The following TANC2 variants were observed in gnomAD, a reference collection of about 807,000 sequenced individuals.
TANC2 encodes the protein tetratricopeptide repeat, ankyrin repeat and coiled-coil containing 2.
Under a neutral mutation model 210.5 loss-of-function variants are expected in TANC2, and 26 were observed. The ratio of observed to expected loss-of-function variants is 0.12; its 90% CI spans 0.09 to 0.17. The LOEUF (loss-of-function observed/expected upper bound fraction) is 0.17. Among genes scored for constraint, TANC2 ranks in the 10% least tolerant of loss-of-function variants. TANC2 has a pLI of 1.00. For synonymous variants in TANC2, 931 were observed against 967.1 expected (o/e 0.96, Z 0.69); for missense variants, 2,129 against 2,608.9 (o/e 0.82, Z 4.01).
chr17:63,145,976 A>G (rs778452544), intron 4 of TANC2, among the ~76,000 whole-genome samples: 1 of 152,154 alleles, frequency 6.6e-6, no homozygotes, highest in Non-Finnish European at 1.5e-5. Flanking sequence ...TAGGGATTGC[A>G]TTGAATCTAT....
intron 4 of TANC2, among the ~76,000 whole-genome samples, chr17:63,110,329 T>C (rs1161357480): frequency 3.3e-5 from 5 of 151,774 alleles, no homozygotes; most frequent in Admixed American, 2.6e-4. Flanking sequence ...CCTCAAAACT[T>C]GGTCTTTAAT....
At chr17:63,189,580 T>C (rs1393309368) in intron 5 of TANC2, among the ~76,000 whole-genome samples, 1 of 152,214 alleles carries the variant, frequency 6.6e-6, no homozygotes, top group Non-Finnish European at 1.5e-5. Flanking sequence ...TATTCCAGTA[T>C]TTTGCCTATG....
chr17:63,063,707 T>C (rs1210172629), intron 2 of TANC2, among the ~76,000 whole-genome samples: 2 of 152,024 alleles, frequency 1.3e-5, no homozygotes, highest in African/African-American at 2.4e-5. Context: ...TGTAGAGATA[T>C]ATCTCTTACA....
chr17:63,146,351 A>G (rs1202061719), intron 4 of TANC2, among the ~76,000 whole-genome samples: 1 of 151,908 alleles, frequency 6.6e-6, no homozygotes, highest in Non-Finnish European at 1.5e-5. Flanking sequence ...GCAAACAGAT[A>G]ATTTTACTTC....
intron 9 of TANC2, chr17:63,313,667 C>T (rs1466261815): frequency 7.2e-5 from 11 of 152,192 alleles, no homozygotes; most frequent in Admixed American, 6.5e-5. Flanking sequence ...GCTTTCTGCT[C>T]GACTGCTTAG....
At position 63,421,758 on chromosome 17, in the gene TANC2, C is replaced by T. The variant is rs749154868; in HGVS notation, c.6028C>T (p.Leu2010=). The T allele has an allele frequency of 6.2e-6, 10 of 1,613,956 alleles. No individual in the cohort carries two copies. In the African/African-American group the frequency reaches 1.1e-4, roughly 17 times the overall value. The change falls in exon 28 of 28, where the codon CTG becomes TTG. Residue 2010 remains leucine (L), a synonymous_variant. Coordinates refer to ENST00000689528, the Ensembl canonical transcript of TANC2. This position sits in a 1 kb window ranked among gnomAD's most constrained non-coding sequence, Gnocchi z 6.9. ...CGATTATTACAGCCCCCATGGGATG[C>T]TGGCTAACGGGTCTCGTGGAGACCT...
In TANC2 at chr17:63,377,386, A is replaced by G. The variant is rs185867016; in HGVS notation, c.2583-2332A>G. Among the ~76,000 whole-genome samples, 62 of 152,292 alleles carry G rather than the reference A, an allele frequency of 4.1e-4. 1 individual carries two copies. In the East Asian group the frequency reaches 6.4e-3, roughly 16 times the overall value. ...TTACCTCTTGAATGTTTTGCTACTT[A>G]GAAATTTCTTCCACTAGATACCCTA... is the stretch of plus-strand genomic sequence containing the variant. On this transcript the variant is annotated intron_variant, in intron 14 of 27. Transcript: ENST00000689528.
chr17:63,342,212 A>G (rs186714037), intron 12 of TANC2, among the ~76,000 whole-genome samples: 111 of 152,010 alleles, frequency 7.3e-4, no homozygotes, highest in African/African-American at 2.6e-3. Flanking sequence ...AATGTATAAC[A>G]AGAATTTAAA....
At chr17:63,410,860 C>CAAAAAAAAAAAAAAA (rs34268418) in intron 21 of TANC2, among the ~76,000 whole-genome samples, 5 of 39,014 alleles carry the variant, frequency 1.3e-4, no homozygotes, top group Non-Finnish European at 1.7e-4. Context: ...GACTCCATCT[C>CAAAAAAAAAAAAAAA]AAAAAAAAAA....
chr17:63,088,079 T>TC (rs1467793323), intron 3 of TANC2: 1 of 152,200 alleles, frequency 6.6e-6, no homozygotes, highest in Non-Finnish European at 1.5e-5. Flanking sequence ...GTATGCGTAC[T>TC]CCATCTTTCC....
intron 14 of TANC2, among the ~76,000 whole-genome samples, chr17:63,377,960 C>A (rs1430635665): frequency 1.3e-5 from 2 of 152,282 alleles, no homozygotes; most frequent in South Asian, 4.1e-4. Flanking sequence ...TGAGAACTCA[C>A]TATCATGAGA....
At chr17:63,300,668 GGAGTTTTTGGGCT>G (rs1485630887) in intron 9 of TANC2, among the ~76,000 whole-genome samples, 1 of 152,136 alleles carries the variant, frequency 6.6e-6, no homozygotes, top group Non-Finnish European at 1.5e-5. Flanking sequence ...ATCAGCTTAA[GGAGTTTTTGGGCT>G]GAGATGATGG....
chr17:63,232,137 A>G (rs1308573209), intron 7 of TANC2, among the ~76,000 whole-genome samples: 1 of 152,136 alleles, frequency 6.6e-6, no homozygotes, highest in African/African-American at 2.4e-5. Context: ...TCAACTGGTT[A>G]TTCTGGTTAA....
chr17:63,220,916 T>G (rs181671877), intron 7 of TANC2, among the ~76,000 whole-genome samples: 1 of 151,110 alleles, frequency 6.6e-6, no homozygotes, highest in African/African-American at 2.4e-5. Flanking sequence ...GAAAAAACAG[T>G]TTGTCTTTAC....
chr17:63,379,905 G>A (rs1213574183), intron 15 of TANC2, 79 bp downstream of exon 15: 2 of 1,227,532 alleles, frequency 1.6e-6, no homozygotes, highest in Non-Finnish European at 1.2e-6. Context: ...CTATTTCAGT[G>A]TAGTCCCTGC....
intron 19 of TANC2, among the ~76,000 whole-genome samples, chr17:63,403,679 G>A (rs1053743631): frequency 1.3e-5 from 2 of 152,204 alleles, no homozygotes; most frequent in Admixed American, 1.3e-4. Context: ...AAATGCCAAT[G>A]TCAGGAGTTC....
chr17:62,971,039 G>A (rs1212089527), intron 1 of TANC2, among the ~76,000 whole-genome samples: 1 of 152,132 alleles, frequency 6.6e-6, no homozygotes, highest in South Asian at 2.1e-4. Context: ...TATTTTGAGG[G>A]AAAGGCACTC....
intron 7 of TANC2, among the ~76,000 whole-genome samples, chr17:63,236,390 GATC>G (rs2042621092): frequency 6.6e-6 from 1 of 152,138 alleles, no homozygotes; most frequent in South Asian, 2.1e-4. Context: ...GAAGTGAAAT[GATC>G]ATCAGTAACT....
chr17:63,057,739 C>T (rs767157717), intron 2 of TANC2, among the ~76,000 whole-genome samples: 29 of 152,186 alleles, frequency 1.9e-4, no homozygotes, highest in Non-Finnish European at 4.1e-4. Flanking sequence ...TAGCTCCATC[C>T]ATGTTCTTGC....
Sources: allele counts gnomAD v4.1 joint callset (sites outside exome capture counted in the v4.1 genomes callset), GRCh38; gene constraint gnomAD v4.1.1; non-coding constraint Gnocchi (gnomAD v3.1); transcripts MANE v1.5; gene names NCBI Gene and HGNC (gene_info 2026-07-23, HGNC 2026-07-21).